RALYL: variants seen among roughly 807,000 people sequenced by gnomAD.
The protein encoded by RALYL is RNA-binding Raly-like protein.
RALYL carries 29 observed loss-of-function variants against 35.1 expected under a neutral mutation model. The ratio of observed to expected loss-of-function variants is 0.83; its 90% CI spans 0.61 to 1.13. RALYL has a LOEUF of 1.13. RALYL is among the 50% of genes most tolerant of loss of function. RALYL has a pLI of 0.00. For missense variants in RALYL, 359 were observed against 360.4 expected (o/e 1.00, Z 0.03); for synonymous variants, 120 against 127.6 (o/e 0.94, Z 0.40).
At position 84,516,294 on chromosome 8, in the gene RALYL, A is replaced by G. The variant is rs113470031; in HGVS notation, c.-23-13005A>G. 2.1e-3 allele frequency among the ~76,000 whole-genome samples: 325 copies of G among 152,144 alleles called. 1 individual carries two copies. The highest frequency in any genetic ancestry group is 7.2e-3 in the African/African-American group (299 of 41,544). ...ATTTCATCCATGCACTTAATAAGAA[A>G]AATAATATACCTAATATGCATAAGT... On this transcript the variant is annotated intron_variant, in intron 1 of 8. Transcript: ENST00000521268.
In RALYL at chr8:84,916,139, G is replaced by A. The variant is rs555138672; in HGVS notation, c.859-4755G>A. ...GAAAAGGAAAAAGGAGGAACTTAAT[G>A]TTAAAATAAATTTAACTTTATTTAC... On this transcript the variant is annotated intron_variant, in intron 8 of 8. Transcript: ENST00000521268. 2.0e-5 allele frequency among the ~76,000 whole-genome samples: 3 copies of A among 152,092 alleles called. No homozygotes were observed. The South Asian group carries it at 6.2e-4, about 32-fold the overall frequency.
intron 1 of RALYL, among the ~76,000 whole-genome samples, chr8:84,518,804 A>C (rs1287017816): frequency 2.0e-5 from 3 of 152,178 alleles, no homozygotes; most frequent in African/African-American, 7.2e-5. Context: ...ACATGAAATC[A>C]CTTAGCGATC....
At chr8:84,272,276 T>C (rs1834460465) in intron 1 of RALYL, among the ~76,000 whole-genome samples, 2 of 152,016 alleles carry the variant, frequency 1.3e-5, no homozygotes, top group African/African-American at 4.8e-5. Context: ...GTATTTTTAG[T>C]AGAGATGGGG....
At chr8:84,184,534 A>T (rs939202112) in intron 1 of RALYL, 110 bp downstream of exon 1, 1 of 164,074 alleles carries the variant, frequency 6.1e-6, no homozygotes, top group Non-Finnish European at 1.3e-5. Context: ...GCGCGCGCGC[A>T]TCTCCGGGCA....
intron 1 of RALYL, among the ~76,000 whole-genome samples, chr8:84,268,655 C>G (rs1469950731): frequency 6.6e-6 from 1 of 152,104 alleles, no homozygotes; most frequent in African/African-American, 2.4e-5. Context: ...ATTGGAGGTA[C>G]AAATGGAGAC....
At chr8:84,890,999 A>C (rs1469979345) in intron 8 of RALYL, among the ~76,000 whole-genome samples, 1 of 152,150 alleles carries the variant, frequency 6.6e-6, no homozygotes, top group African/African-American at 2.4e-5. Flanking sequence ...GACTAGAGAA[A>C]GAGGAACTAA....
chr8:84,578,873 TC>T (rs1810151932), intron 2 of RALYL, among the ~76,000 whole-genome samples: 1 of 152,134 alleles, frequency 6.6e-6, no homozygotes, highest in South Asian at 2.1e-4. Context: ...TGCTGATTGG[TC>T]CATAGGCGGC....
At chr8:84,284,467 C>T (rs932013385) in intron 1 of RALYL, among the ~76,000 whole-genome samples, 9 of 152,194 alleles carry the variant, frequency 5.9e-5, no homozygotes, top group Non-Finnish European at 1.2e-4. Context: ...AACTAGCACA[C>T]TTCTAGCTAA....
chr8:84,821,589 C>A (rs1195053840), intron 4 of RALYL, among the ~76,000 whole-genome samples: 2 of 152,284 alleles, frequency 1.3e-5, no homozygotes, highest in East Asian at 1.9e-4. Flanking sequence ...AGCCTCACTT[C>A]CCAATCACAT....
intron 1 of RALYL, among the ~76,000 whole-genome samples, chr8:84,222,861 G>C (rs1822607905): frequency 6.6e-6 from 1 of 152,056 alleles, no homozygotes; most frequent in African/African-American, 2.4e-5. Flanking sequence ...GATTGGTCTT[G>C]ACAAATATAC....
intron 4 of RALYL, among the ~76,000 whole-genome samples, chr8:84,833,090 T>C (rs985699213): frequency 4.6e-5 from 7 of 152,148 alleles, no homozygotes; most frequent in Admixed American, 2.0e-4. Context: ...CAAAGGCTCT[T>C]CTCTAGCCCA....
chr8:84,417,557 C>T (rs2044861752), intron 1 of RALYL, among the ~76,000 whole-genome samples: 1 of 151,238 alleles, frequency 6.6e-6, no homozygotes, highest in South Asian at 2.1e-4. Context: ...TATGATGTAC[C>T]TTCCTAGGTC....
intron 2 of RALYL, among the ~76,000 whole-genome samples, chr8:84,771,154 T>C (rs1332672238): frequency 1.3e-5 from 2 of 152,292 alleles, no homozygotes; most frequent in Middle Eastern, 3.4e-3. Flanking sequence ...GCATTATTTT[T>C]GTTCAGTGTT....
chr8:84,650,483 A>C (rs1268882044), intron 2 of RALYL, among the ~76,000 whole-genome samples: 1 of 152,136 alleles, frequency 6.6e-6, no homozygotes, highest in Non-Finnish European at 1.5e-5. Context: ...GCTCACCATC[A>C]CTGGCCATCA....
chr8:84,317,726 A>T (rs1043227479), intron 1 of RALYL, among the ~76,000 whole-genome samples: 2 of 152,150 alleles, frequency 1.3e-5, no homozygotes, highest in Non-Finnish European at 2.9e-5. Context: ...AGCAACTATC[A>T]GTGTCTGCTA....
intron 1 of RALYL, among the ~76,000 whole-genome samples, chr8:84,218,783 A>G (rs997506884): frequency 7.2e-5 from 11 of 152,098 alleles, no homozygotes; most frequent in Admixed American, 3.3e-4. Flanking sequence ...CCCTGAGGGC[A>G]TATGATAACC....
chr8:84,782,008 A>T (rs1448891499), intron 3 of RALYL, among the ~76,000 whole-genome samples: 1 of 149,088 alleles, frequency 6.7e-6, no homozygotes, highest in Non-Finnish European at 1.5e-5. Flanking sequence ...TTTAGACAAT[A>T]CGTGCATGCT....
intron 2 of RALYL, among the ~76,000 whole-genome samples, chr8:84,591,648 C>T (rs1016255935): frequency 6.6e-6 from 1 of 152,190 alleles, no homozygotes. Context: ...TCTCACAAGA[C>T]ATGCAGAAAC....
chr8:84,541,775 TG>T (rs2060032260), intron 2 of RALYL, among the ~76,000 whole-genome samples: 1 of 152,110 alleles, frequency 6.6e-6, no homozygotes, highest in Non-Finnish European at 1.5e-5. Flanking sequence ...ATCTTCCTAA[TG>T]TAGTCATCCT....
Sources: gnomAD v4.1 joint callset for allele counts (sites outside exome capture counted in the v4.1 genomes callset) on GRCh38, gnomAD v4.1.1 for gene constraint, MANE v1.5 for transcripts, NCBI Gene and HGNC (gene_info 2026-07-23, HGNC 2026-07-21) for gene names.